Variants in ZNF718 observed in about 807,000 individuals in gnomAD.
ZNF718 encodes zinc finger protein 718.
Under a neutral mutation model 2.6 loss-of-function variants are expected in ZNF718, and 3 were observed. That is an observed-to-expected ratio of 1.16 (90% CI 0.53 to 3.01). The LOEUF (loss-of-function observed/expected upper bound fraction) is 3.01, where lower values mean the gene tolerates loss of function less well. Ranked by LOEUF, ZNF718 falls within the 30% of genes most tolerant of loss-of-function variation. The pLI is 0.03. For synonymous variants in ZNF718, 135 were observed against 77.9 expected (o/e 1.73, Z -3.86); for missense variants, 468 against 230.0 (o/e 2.03, Z -6.69).
intron 3 of ZNF718, among the ~76,000 whole-genome samples, chr4:181,762 C>T (rs1242569556): frequency 6.6e-6 from 1 of 152,124 alleles, no homozygotes; most frequent in African/African-American, 2.4e-5. Flanking sequence ...ATCATACAGT[C>T]ACCCAGGTAT....
Position 130,842 on chromosome 4 carries a change from T to C in ZNF718, c.58T>C (p.Cys20Arg), listed in dbSNP as rs1186929979. The change falls in exon 2 of 4, where the codon TGT becomes CGT. Residue 20 changes from cysteine (C) to arginine (R), a missense_variant. Cys to Arg is a radical substitution (Grantham distance 180, BLOSUM62 -3). Transcript: ENST00000510175. ...AGAATTCTCTCCAGAAGAGTGGAAA[T>C]GTCTGGACACTTCCCAGCAGAATTT... ...AIEFSPEEWK[C>R]LDTSQQNLYR... 2.0e-5 allele frequency: 8 copies of C among 392,128 alleles called. 1 individual carries two copies. Among genetic ancestry groups the C allele is most frequent in the African/African-American group, 1.9e-4 (7 of 37,722 alleles). The allele number at this position is 392,128 out of a possible 1,614,324, so 24.3% of individuals were successfully genotyped here. A position where few individuals can be genotyped will look rare whatever the true frequency, so the allele number is the denominator to read the frequency against.
chr4:129,093 CA>C lies in ZNF718; in HGVS notation c.4-1694del, dbSNP rs1246209112. On this transcript the variant is annotated intron_variant, in intron 1 of 3. Coordinates refer to ENST00000510175, the MANE Select transcript of ZNF718 (RefSeq NM_001039127.6). ...GTGAGTTTTAATGCCACCATCTGATCAGCTGTTCATTGACAGAAGAGAAATT... is the reference window on the plus strand; with the variant it reads ...GTGAGTTTTAATGCCACCATCTGATCGCTGTTCATTGACAGAAGAGAAATT... Among the ~76,000 whole-genome samples the C allele has an allele frequency of 5.7e-5, 6 of 104,352 alleles. 3 individuals are homozygous for C. The Admixed American group carries it at 6.2e-4, about 11-fold the overall frequency. The allele number at this position is 104,352 out of a possible 152,430, so 68.5% of individuals were successfully genotyped here. A position where few individuals can be genotyped will look rare whatever the true frequency, so the allele number is the denominator to read the frequency against.
At chr4:202,113 A>G (rs1717912902) in exon 5 of ZNF718, 1 of 152,174 alleles carries the variant, frequency 6.6e-6, no homozygotes, top group Non-Finnish European at 1.5e-5. Context: ...AGTTTCCCCA[A>G]TATTGTTCTC....
chr4:182,138 G>A (rs1717479643), intron 3 of ZNF718, among the ~76,000 whole-genome samples: 1 of 152,094 alleles, frequency 6.6e-6, no homozygotes, highest in South Asian at 2.1e-4. Flanking sequence ...ACGTGTATGT[G>A]CCTTTATAAT....
At position 196,027 on chromosome 4, in the gene ZNF718, C is replaced by G. The variant is rs150211685; in HGVS notation, c.227-5054C>G. Among the ~76,000 whole-genome samples the G allele has an allele frequency of 1.3e-3, 205 of 152,044 alleles. 1 individual carries two copies. Among genetic ancestry groups the G allele is most frequent in the African/African-American group, 4.8e-3 (198 of 41,462 alleles). ...TTTCCTCTCTCTCTCTCCCCTCTCT[C>G]TCTCCCTCTCTCTCCCTCTCTTTTT... On this transcript the variant is annotated intron_variant and NMD_transcript_variant, in intron 3 of 4. Transcript: ENST00000642529.
chr4:181,411 T>C (rs570252622), intron 3 of ZNF718, among the ~76,000 whole-genome samples: 133 of 152,136 alleles, frequency 8.7e-4, no homozygotes, highest in Admixed American at 1.8e-3. Flanking sequence ...GTGAATATGA[T>C]AATTTTAACT....
At chr4:145,509 GGCTGAAGT>G (rs1716009844) in intron 3 of ZNF718, among the ~76,000 whole-genome samples, 2 of 152,082 alleles carry the variant, frequency 1.3e-5, no homozygotes, top group African/African-American at 4.8e-5. Flanking sequence ...TTGTTACTCA[GGCTGAAGT>G]GCAGTACATT....
Position 124,529 on chromosome 4 carries a change from T to C in ZNF718, c.-142T>C. Reference sequence around the variant, plus strand: ...TTTTGCTTGTAGCTCCAGCCAGAGCTCGGTTAGGGCCTCATCGCTCTGCTC... The same window carrying C: ...TTTTGCTTGTAGCTCCAGCCAGAGCCCGGTTAGGGCCTCATCGCTCTGCTC... On this transcript the variant is annotated 5_prime_UTR_variant, in exon 1 of 4. Transcript: ENST00000510175. The C allele has an allele frequency of 8.4e-7, 1 of 1,190,900 alleles. No homozygotes were observed. The allele number at this position is 1,190,900 out of a possible 1,614,324, so 73.8% of individuals were successfully genotyped here. A position where few individuals can be genotyped will look rare whatever the true frequency, so the allele number is the denominator to read the frequency against.
chr4:174,048 A>G (rs1717299375), intron 3 of ZNF718, among the ~76,000 whole-genome samples: 1 of 152,144 alleles, frequency 6.6e-6, no homozygotes, highest in South Asian at 2.1e-4. Flanking sequence ...GTTTTAGGAG[A>G]TCAGTTTTAG....
chr4:183,610 T>C (rs1717508591), intron 3 of ZNF718, among the ~76,000 whole-genome samples: 1 of 152,232 alleles, frequency 6.6e-6, no homozygotes, highest in East Asian at 1.9e-4. Flanking sequence ...ATGGCCATTT[T>C]CATGATATTG....
chr4:132,375 A>G lies in ZNF718; in HGVS notation c.226+870A>G, dbSNP rs1437627952. ...TTTAGTGATCTCCCTTCAAGTTTAC[A>G]GGGAGTGCCAGTGTCCACTTTATCA... On this transcript the variant is annotated intron_variant, in intron 3 of 3. Coordinates refer to ENST00000510175, the MANE Select transcript of ZNF718 (RefSeq NM_001039127.6). Among the ~76,000 whole-genome samples, 605 of 104,608 alleles carry G rather than the reference A, an allele frequency of 5.8e-3. 192 individuals are homozygous for G. Among genetic ancestry groups the G allele is most frequent in the African/African-American group, 0.02 (594 of 30,284 alleles). 68.6% of individuals were successfully genotyped at this position (104,608 alleles called of 152,430 possible). A position where few individuals can be genotyped will look rare whatever the true frequency, so the allele number is the denominator to read the frequency against.
At chr4:125,109 G>A (rs1715141509) in intron 1 of ZNF718, 1 of 160,886 alleles carries the variant, frequency 6.2e-6, no homozygotes, top group Non-Finnish European at 1.4e-5. Flanking sequence ...ACTGCCAGCG[G>A]GTCTTGAAGG....
chr4:184,272 G>GTT (rs1717521986), intron 3 of ZNF718, among the ~76,000 whole-genome samples: 1 of 152,018 alleles, frequency 6.6e-6, no homozygotes, highest in South Asian at 2.1e-4. Flanking sequence ...ATATCATGTG[G>GTT]TTTTTGTCCT....
At chr4:173,993 G>A (rs1717298128) in intron 3 of ZNF718, among the ~76,000 whole-genome samples, 1 of 152,140 alleles carries the variant, frequency 6.6e-6, no homozygotes. Flanking sequence ...AACATCGTAG[G>A]CCCCCAAGTA....
intron 3 of ZNF718, among the ~76,000 whole-genome samples, chr4:157,055 T>A (rs1716597715): frequency 1.3e-5 from 2 of 151,454 alleles, no homozygotes; most frequent in African/African-American, 4.8e-5. Flanking sequence ...CTGTGATGCC[T>A]CCAACATTGT....
chr4:143,428 C>T (rs10222958), intron 3 of ZNF718, among the ~76,000 whole-genome samples: 2,065 of 152,250 alleles, frequency 0.014, 48 homozygotes, highest in African/African-American at 0.047. Context: ...CCTTGTGATC[C>T]ACCTGCCTTA....
chr4:167,422 T>G (rs1226379649), downstream of ZNF718, among the ~76,000 whole-genome samples: 1 of 152,198 alleles, frequency 6.6e-6, no homozygotes, highest in Non-Finnish European at 1.5e-5. Flanking sequence ...TGGCATTGAA[T>G]CTATAAATTA....
At chr4:155,692 C>A (rs781837438) in intron 3 of ZNF718, among the ~76,000 whole-genome samples, 10 of 151,984 alleles carry the variant, frequency 6.6e-5, no homozygotes, top group Non-Finnish European at 1.5e-4. Flanking sequence ...AAGGGACTTA[C>A]TTTCTCTCAA....
chr4:153,063 T>C (rs1021218807), intron 3 of ZNF718, among the ~76,000 whole-genome samples: 1 of 151,884 alleles, frequency 6.6e-6, no homozygotes, highest in African/African-American at 2.4e-5. Flanking sequence ...CATATAAATC[T>C]TTATTTGTGA....
Sources: gnomAD v4.1 joint callset for allele counts (sites outside exome capture counted in the v4.1 genomes callset) on GRCh38, gnomAD v4.1.1 for gene constraint, MANE v1.5 for transcripts, NCBI Gene and HGNC (gene_info 2026-07-23, HGNC 2026-07-21) for gene names.